XDH: variants seen among roughly 807,000 people sequenced by gnomAD.
XDH encodes the protein xanthine dehydrogenase/oxidase.
Under a neutral mutation model 156.1 loss-of-function variants are expected in XDH, and 138 were observed. That is an observed-to-expected ratio of 0.88 (90% confidence interval 0.77 to 1.02). The LOEUF is 1.02. Ranked by LOEUF, XDH falls within the 50% of genes least tolerant of loss-of-function variation. The probability of loss-of-function intolerance (pLI) is 0.00; values close to 1 mark genes in which losing one functional copy is unlikely to be tolerated. For synonymous variants in XDH, 669 were observed against 625.7 expected, an observed-to-expected ratio of 1.07 and a Z score of -1.03; for missense variants, 1,849 against 1,684.9, an observed-to-expected ratio of 1.10 and a Z score of -1.71.
At chr2:31,363,766 G>C (rs1456024360) in intron 24 of XDH, among the ~76,000 whole-genome samples, 1 of 152,074 alleles carries the variant, frequency 6.6e-6, no homozygotes, top group Non-Finnish European at 1.5e-5. Flanking sequence ...ACTGCTAACA[G>C]TTTGGTATAT....
intron 10 of XDH, 113 bp downstream of exon 10, chr2:31,383,642 A>G: frequency 1.0e-6 from 1 of 966,704 alleles, no homozygotes. Flanking sequence ...CCCCAGGAGA[A>G]GCAGGGGGCA....
At chr2:31,380,754 G>A (rs957770202) in intron 12 of XDH, among the ~76,000 whole-genome samples, 5 of 152,124 alleles carry the variant, frequency 3.3e-5, no homozygotes, top group East Asian at 1.9e-4. Flanking sequence ...GGAATATGAC[G>A]GCATGCTGAA....
intron 15 of XDH, 46 bp downstream of exon 15, chr2:31,375,334 C>T: frequency 2.5e-6 from 4 of 1,613,596 alleles, no homozygotes; most frequent in Non-Finnish European, 3.4e-6. Flanking sequence ...TTCTTATATC[C>T]CCAAACATGC....
chr2:31,337,782 A>T lies in XDH; in HGVS notation c.3810T>A (p.Ser1270=). 6.2e-7 allele frequency: 1 copy of T among 1,614,214 alleles called. No individual in the cohort carries two copies. Among genetic ancestry groups the T allele is most frequent in the East Asian group, 2.2e-5 (1 of 44,886 alleles). ...TGGCATCTTTGATGGCAAAGAAGAT[A>T]GAAGCAGCCAGGAAGAGGGGCGGCT... is the stretch of plus-strand genomic sequence containing the variant. ...VGEPPLFLAA[S]IFFAIKDAIR... Residue 1270 remains serine, a synonymous_variant, in exon 35 of 36, where the codon TCT becomes TCA. Coordinates refer to ENST00000379416, the MANE Select transcript of XDH (RefSeq NM_000379.4).
intron 4 of XDH, among the ~76,000 whole-genome samples, chr2:31,399,567 C>T (rs116205141): frequency 2.0e-5 from 3 of 152,202 alleles, no homozygotes; most frequent in African/African-American, 7.2e-5. Flanking sequence ...TATACAGATA[C>T]AACCTAATTT....
At chr2:31,348,185 C>T (rs1352594458) in intron 28 of XDH, 83 bp downstream of exon 28, 10 of 1,422,580 alleles carry the variant, frequency 7.0e-6, no homozygotes, top group African/African-American at 1.4e-5. Flanking sequence ...GGGCCTGCTT[C>T]TGCTCTGATA....
Position 31,370,359 on chromosome 2 carries a change from T to A in XDH, c.1976A>T (p.Asp659Val). The stretch of plus-strand genomic sequence containing the variant: ...ATAAAAAAATCCAAGACTTACCTTA[T>A]CCTTCGCAAAGACTGTCTCATCATT... Reference protein sequence around the residue: ...ICNDETVFAKDKVTCVGHIIG... With the variant: ...ICNDETVFAKVKVTCVGHIIG... Residue 659 changes from aspartate to valine, a missense_variant, in exon 18 of 36, where the codon GAT (aspartate) becomes GTT (valine). By Grantham distance (152) the Asp-to-Val change is radical (BLOSUM62 -3). Transcript: ENST00000379416. 6.2e-7 allele frequency: 1 copy of A among 1,614,226 alleles called. No homozygotes were observed. Among genetic ancestry groups the A allele is most frequent in the South Asian group, 1.1e-5 (1 of 91,088 alleles).
intron 7 of XDH, 44 bp downstream of exon 7, chr2:31,388,183 C>G: frequency 1.2e-6 from 2 of 1,607,678 alleles, no homozygotes; most frequent in East Asian, 2.2e-5. Flanking sequence ...TCCTCTAAGT[C>G]TCAGATTACC....
At chr2:31,378,209 A>C (rs1030500324) in intron 13 of XDH, among the ~76,000 whole-genome samples, 1 of 152,132 alleles carries the variant, frequency 6.6e-6, no homozygotes, top group African/African-American at 2.4e-5. Flanking sequence ...GAAAGCAAGC[A>C]AGAAAGAAAA....
intron 24 of XDH, among the ~76,000 whole-genome samples, chr2:31,355,150 C>T (rs1309671533): frequency 2.6e-5 from 4 of 152,058 alleles, no homozygotes; most frequent in Non-Finnish European, 5.9e-5. Flanking sequence ...CTGAAAGAAA[C>T]GAACTGTTAA....
chr2:31,361,294 T>C (rs1344925093), intron 24 of XDH, among the ~76,000 whole-genome samples: 1 of 152,250 alleles, frequency 6.6e-6, no homozygotes, highest in African/African-American at 2.4e-5. Context: ...AACTGTTCTA[T>C]CAAATTTAGT....
intron 3 of XDH, among the ~76,000 whole-genome samples, chr2:31,401,546 G>A (rs1038938484): frequency 2.0e-5 from 3 of 152,212 alleles, no homozygotes; most frequent in Non-Finnish European, 2.9e-5. Context: ...AGCCCCTCCA[G>A]AGTACTGTGG....
chr2:31,383,647 G>C lies in XDH; in HGVS notation c.886+108C>G, dbSNP rs973847273. ...GCAAGGTGAGCCCCAGGAGAAGCAGGGGGCAGCCAGAGCCAGTGGGGAGAC... is the reference window on the plus strand; with the variant it reads ...GCAAGGTGAGCCCCAGGAGAAGCAGCGGGCAGCCAGAGCCAGTGGGGAGAC... On this transcript the variant is annotated intron_variant, in intron 10 of 35. Transcript: ENST00000379416. The C allele has an allele frequency of 4.9e-6, 5 of 1,029,966 alleles. No individual in the cohort carries two copies. The East Asian group carries it at 1.0e-4, about 21-fold the overall frequency. 63.8% of individuals were successfully genotyped at this position (1,029,966 alleles called of 1,614,324 possible). A position where few individuals can be genotyped will look rare whatever the true frequency, so the allele number is the denominator to read the frequency against.
rs748879270 is a variant in XDH, at chr2:31,365,528, G to A, written c.2473C>T (p.Arg825Ter). Residue 825 changes from arginine (R) to a stop codon, truncating the protein, a stop_gained, in exon 23 of 36, where the codon CGA (arginine) becomes TGA (stop). Transcript: ENST00000379416. LOFTEE classifies it high-confidence loss of function. ...LAAYKTGRPVRCMLDRDEDML... is the reference protein window; with the variant it reads ...LAAYKTGRPV ...TCCTCATCACGGTCCAGCATGCATCGCACAGGGCGGCCGGTCCTGGGGGTT... is the reference window on the plus strand; with the variant it reads ...TCCTCATCACGGTCCAGCATGCATCACACAGGGCGGCCGGTCCTGGGGGTT... The A allele has an allele frequency of 3.2e-5, 52 of 1,614,022 alleles. No individual in the cohort carries two copies. The highest frequency in any genetic ancestry group is 3.3e-4 in the Middle Eastern group (2 of 6,082).
rs749199366 is a variant in XDH, at chr2:31,379,818, G to A, written c.1242+49C>T. On this transcript the variant is annotated intron_variant, in intron 13 of 35. Coordinates refer to ENST00000379416, the MANE Select transcript of XDH (RefSeq NM_000379.4). Reference sequence around the variant, plus strand: ...TTCTGATCTCTTTGTCTAGAGCCTGGCAATAGGACTTATTTGAGCAGAGCC... The same window carrying A: ...TTCTGATCTCTTTGTCTAGAGCCTGACAATAGGACTTATTTGAGCAGAGCC... 1.1e-5 allele frequency: 17 copies of A among 1,560,108 alleles called. No individual in the cohort carries two copies. The South Asian group carries it at 1.4e-4, about 13-fold the overall frequency.
At chr2:31,372,199 C>T (rs1457354551) in intron 17 of XDH, 29 bp downstream of exon 17, 3 of 1,613,964 alleles carry the variant, frequency 1.9e-6, no homozygotes, top group Admixed American at 1.7e-5. Context: ...CACAGCATTC[C>T]ACCAGCTCCT....
intron 31 of XDH, among the ~76,000 whole-genome samples, chr2:31,343,308 A>ATATATATATATATATATATATATATT (rs1553411647): frequency 1.0e-5 from 1 of 98,490 alleles, no homozygotes; most frequent in African/African-American, 4.7e-5. Context: ...ATATATATAT[A>ATATATATATATATATATATATATATT]TATATATATA....
intron 6 of XDH, among the ~76,000 whole-genome samples, chr2:31,395,546 T>TAGGTAAG (rs1686880017): frequency 1.3e-5 from 2 of 152,224 alleles, no homozygotes; most frequent in African/African-American, 4.8e-5. Context: ...CAACATTTAC[T>TAGGTAAG]GTGAGGACCT....
At chr2:31,393,882 C>T (rs1251355475) in intron 6 of XDH, among the ~76,000 whole-genome samples, 35 of 150,292 alleles carry the variant, frequency 2.3e-4, no homozygotes, top group Non-Finnish European at 3.5e-4. Flanking sequence ...AATAACACTA[C>T]ACCGCTTTAC....
Sources: gnomAD v4.1 joint callset for allele counts (sites outside exome capture counted in the v4.1 genomes callset) on GRCh38, gnomAD v4.1.1 for gene constraint, MANE v1.5 for transcripts, NCBI Gene and HGNC (gene_info 2026-07-23, HGNC 2026-07-21) for gene names.